Variants in MCMDC2 observed in about 807,000 individuals in gnomAD.
The protein encoded by MCMDC2 is minichromosome maintenance domain containing 2.
In MCMDC2, 54 loss-of-function variants were observed where a neutral mutation model predicts 75.8. The observed-to-expected ratio is 0.71, with a 90% CI of 0.57 to 0.89. The LOEUF is 0.89. MCMDC2 is among the 40% of genes least tolerant of loss of function. The probability of loss-of-function intolerance (pLI) is 0.00; values close to 1 mark genes in which losing one functional copy is unlikely to be tolerated. For missense variants in MCMDC2, 656 were observed against 780.4 expected (o/e 0.84, Z 1.90); for synonymous variants, 249 against 274.6 (o/e 0.91, Z 0.92).
intron 4 of MCMDC2, among the ~76,000 whole-genome samples, chr8:66,877,071 G>C (rs1811325221): frequency 6.6e-6 from 1 of 151,948 alleles, no homozygotes; most frequent in South Asian, 2.1e-4. Flanking sequence ...GGTTGACATT[G>C]TTTTTTAAGT....
rs188466106 is a variant in MCMDC2 at position 66,886,046 on chromosome 8, G to A, written c.1073+2052G>A. Among the ~76,000 whole-genome samples the A allele has an allele frequency of 2.8e-4, 43 of 151,858 alleles. No individual in the cohort carries two copies. In the East Asian group the frequency reaches 7.2e-3, roughly 25 times the overall value. On this transcript the variant is annotated intron_variant, in intron 9 of 14. Transcript: ENST00000422365. ...TGGTTTTGCATGTTTTGACTATTAT[G>A]AATAAAGCTGCTGTAAACATTCTTG...
chr8:66,885,991 C>G (rs1238424573), intron 9 of MCMDC2, among the ~76,000 whole-genome samples: 1 of 152,044 alleles, frequency 6.6e-6, no homozygotes, highest in African/African-American at 2.4e-5. Context: ...TACCAAAATT[C>G]ATTTATCTAT....
At chr8:66,924,340 T>A (rs1813654130), downstream of MCMDC2, among the ~76,000 whole-genome samples, 1 of 151,820 alleles carries the variant, frequency 6.6e-6, no homozygotes, top group Non-Finnish European at 1.5e-5. Context: ...AAAATTTGTT[T>A]CTATGGCCGG....
At chr8:66,911,813 A>G (rs1813133215) in intron 14 of MCMDC2, among the ~76,000 whole-genome samples, 2 of 150,720 alleles carry the variant, frequency 1.3e-5, no homozygotes, top group South Asian at 4.2e-4. Flanking sequence ...ACTGGGCGAG[A>G]CTCTGTCTCA....
At chr8:66,902,741 T>TATATAC (rs1290006413) in intron 13 of MCMDC2, among the ~76,000 whole-genome samples, 10 of 133,098 alleles carry the variant, frequency 7.5e-5, no homozygotes, top group East Asian at 4.3e-4. Flanking sequence ...TATATATATA[T>TATATAC]ACATATATCT....
At chr8:66,880,654 A>G (rs887261139) in intron 7 of MCMDC2, among the ~76,000 whole-genome samples, 195 bp from the exon 8 acceptor site, 6 of 152,222 alleles carry the variant, frequency 3.9e-5, no homozygotes, top group Non-Finnish European at 5.9e-5. Flanking sequence ...ACATAAGAAT[A>G]AAAATTTATC....
chr8:66,905,459 C>A, intron 14 of MCMDC2, 124 bp downstream of exon 14: 1 of 909,718 alleles, frequency 1.1e-6, no homozygotes, highest in Non-Finnish European at 1.4e-6. Flanking sequence ...TAACAAATCT[C>A]TACCAGGTAA....
chr8:66,905,940 G>T, intron 14 of MCMDC2, among the ~76,000 whole-genome samples: 1 of 151,738 alleles, frequency 6.6e-6, no homozygotes. Context: ...GGGAGGTGGA[G>T]GTTGCAGTGA....
rs912537739 is a variant in MCMDC2 at position 66,921,207 on chromosome 8, T to C, written c.*2038T>C. 1.3e-5 allele frequency: 2 copies of C among 152,160 alleles called. No individual in the cohort carries two copies. The highest frequency in any genetic ancestry group is 4.8e-5 in the African/African-American group (2 of 41,440). The allele number at this position is 152,160 out of a possible 1,614,324, so 9.4% of individuals were successfully genotyped here. Reference sequence around the variant, plus strand: ...AATTATGGGAGGTAATTCATTAATATTAAATATGCCAACGGTATTTTAAAG... The same window carrying C: ...AATTATGGGAGGTAATTCATTAATACTAAATATGCCAACGGTATTTTAAAG... On this transcript the variant is annotated 3_prime_UTR_variant, in exon 15 of 15. Coordinates refer to ENST00000422365, the MANE Select transcript of MCMDC2 (RefSeq NM_173518.5).
intron 13 of MCMDC2, among the ~76,000 whole-genome samples, chr8:66,902,197 C>G (rs940405467): frequency 2.0e-5 from 3 of 152,040 alleles, no homozygotes; most frequent in Admixed American, 6.6e-5. Context: ...ACAGAGCAGC[C>G]TGGGCAACAT....
chr8:66,913,790 C>A (rs1434830138), intron 14 of MCMDC2, among the ~76,000 whole-genome samples: 1 of 150,996 alleles, frequency 6.6e-6, no homozygotes, highest in Non-Finnish European at 1.5e-5. Context: ...ATGGTGAAAC[C>A]CCATCTCTAC....
Position 66,890,727 on chromosome 8 carries a change from G to T in MCMDC2, c.1074-138G>T, listed in dbSNP as rs956931761. 1.1e-5 allele frequency: 8 copies of T among 749,628 alleles called. No homozygotes were observed. The African/African-American group carries it at 1.3e-4, about 12-fold the overall frequency. The allele number at this position is 749,628 out of a possible 1,614,324, so 46.4% of individuals were successfully genotyped here. On this transcript the variant is annotated intron_variant, in intron 9 of 14. Transcript: ENST00000422365. ...GTAGAGACGGGATTTTACCATGTTAGTCATATATATTTTTATCCCTAGCAC... is the reference window on the plus strand; with the variant it reads ...GTAGAGACGGGATTTTACCATGTTATTCATATATATTTTTATCCCTAGCAC...
rs754729270 is a variant in MCMDC2 at position 66,870,821 on chromosome 8, T to TG, written c.-96dup. 5 of 152,188 alleles carry TG rather than the reference T, an allele frequency of 3.3e-5. No homozygotes were observed. Among genetic ancestry groups the TG allele is most frequent in the Non-Finnish European group, 7.3e-5 (5 of 68,032 alleles). 9.4% of individuals were successfully genotyped at this position (152,188 alleles called of 1,614,324 possible). A position where few individuals can be genotyped will look rare whatever the true frequency, so the allele number is the denominator to read the frequency against. On this transcript the variant is annotated 5_prime_UTR_variant, in exon 1 of 15. Coordinates refer to ENST00000422365, the MANE Select transcript of MCMDC2 (RefSeq NM_173518.5). ...GGCGGAGAGCAACCGCCAAGCTTGG[T>TG]GGGAGTCAAGGTGAGTGCAAAGCAC... is the stretch of plus-strand genomic sequence containing the variant.
At chr8:66,879,108 A>AAAAAAT (rs1563369078) in intron 7 of MCMDC2, among the ~76,000 whole-genome samples, 189 bp downstream of exon 7, 15 of 152,072 alleles carry the variant, frequency 9.9e-5, no homozygotes, top group Non-Finnish European at 1.8e-4. Context: ...ATTAAAAAAT[A>AAAAAAT]AAAAATTAGC....
intron 9 of MCMDC2, among the ~76,000 whole-genome samples, chr8:66,887,946 C>A (rs1177929646): frequency 6.6e-6 from 1 of 152,184 alleles, no homozygotes; most frequent in East Asian, 1.9e-4. Flanking sequence ...TTGTTCTATA[C>A]TTATACCAAT....
At chr8:66,885,702 A>G (rs2130811715) in intron 9 of MCMDC2, among the ~76,000 whole-genome samples, 1 of 152,262 alleles carries the variant, frequency 6.6e-6, no homozygotes, top group Non-Finnish European at 1.5e-5. Context: ...CAAATTTAAC[A>G]TACACTCCTT....
chr8:66,915,101 G>A (rs1362086834), intron 14 of MCMDC2, among the ~76,000 whole-genome samples: 5 of 152,084 alleles, frequency 3.3e-5, no homozygotes, highest in South Asian at 2.1e-4. Flanking sequence ...AGGCCAAAGC[G>A]AAAGGATTGC....
At chr8:66,910,689 A>G (rs1344847671) in intron 14 of MCMDC2, among the ~76,000 whole-genome samples, 1 of 152,046 alleles carries the variant, frequency 6.6e-6, no homozygotes, top group Non-Finnish European at 1.5e-5. Flanking sequence ...GGTGCCTACA[A>G]TCCCAGCTAC....
At chr8:66,904,372 G>T (rs924867172) in intron 13 of MCMDC2, among the ~76,000 whole-genome samples, 1 of 152,114 alleles carries the variant, frequency 6.6e-6, no homozygotes, top group Non-Finnish European at 1.5e-5. Flanking sequence ...ATATTAAGAG[G>T]TCTCAGAAGA....
Sources: gnomAD v4.1 joint callset for allele counts (sites outside exome capture counted in the v4.1 genomes callset) on GRCh38, gnomAD v4.1.1 for gene constraint, MANE v1.5 for transcripts, NCBI Gene and HGNC (gene_info 2026-07-23, HGNC 2026-07-21) for gene names.